The following ERG variants were observed in gnomAD, a reference collection of about 807,000 sequenced individuals.
The protein encoded by ERG is ETS transcription factor ERG.
A neutral mutation model predicts 55.3 loss-of-function variants in ERG; 9 were observed. The observed-to-expected ratio is 0.16, with a 90% CI of 0.10 to 0.28. The LOEUF (loss-of-function observed/expected upper bound fraction) is 0.28. Among genes scored for constraint, ERG ranks in the 10% least tolerant of loss-of-function variants. ERG has a pLI of 1.00. For missense variants in ERG, 434 were observed against 631.6 expected (o/e 0.69, Z 3.35); for synonymous variants, 223 against 237.3 (o/e 0.94, Z 0.55).
rs747590945 is a variant in ERG, at chr21:38,632,484, C to T, written c.-150+29174G>A. On this transcript the variant is annotated intron_variant, in intron 1 of 10. Transcript: ENST00000398910. ...TCACCTTGAATTGTAATAATCCCCA[C>T]GTGTTGTGGAGGGACCCAGTGGGAG... Among the ~76,000 whole-genome samples the T allele has an allele frequency of 3.9e-5, 6 of 152,176 alleles. No individual in the cohort carries two copies. The South Asian group carries it at 6.2e-4, about 16-fold the overall frequency.
intron 9 of ERG, among the ~76,000 whole-genome samples, chr21:38,389,354 G>T (rs1987860287): frequency 1.3e-5 from 2 of 152,104 alleles, no homozygotes; most frequent in East Asian, 3.9e-4. Flanking sequence ...GACACAGAAG[G>T]GACCACAGAC....
At chr21:38,402,703 CCTTT>C (rs1782108947) in intron 4 of ERG, 66 bp from the exon 5 acceptor site, 3 of 600,422 alleles carry the variant, frequency 5.0e-6, no homozygotes, top group African/African-American at 2.3e-5. Context: ...AAGAGAATTA[CCTTT>C]CTTACAAAAA....
rs139314320 is a variant in ERG at position 38,637,602 on chromosome 21, G to A, written c.-150+24056C>T. 4.6e-3 allele frequency among the ~76,000 whole-genome samples: 695 copies of A among 152,226 alleles called. 5 individuals carry two copies. The highest frequency in any genetic ancestry group is 0.011 in the Admixed American group (173 of 15,286). ...ACTGTCTACAGGATCCTAAGAAAGA[G>A]CAACTAAAATTATGTTAATGTTATT... is the stretch of plus-strand genomic sequence containing the variant. On this transcript the variant is annotated intron_variant, in intron 1 of 10. Transcript: ENST00000398910.
intron 2 of ERG, among the ~76,000 whole-genome samples, chr21:38,571,302 A>G (rs186539449): frequency 7.9e-5 from 12 of 152,172 alleles, no homozygotes; most frequent in Admixed American, 2.6e-4. Context: ...GCTTGAGCCC[A>G]GAGTTTGAGA....
intron 2 of ERG, among the ~76,000 whole-genome samples, chr21:38,570,678 TG>T (rs1315609177): frequency 6.6e-6 from 1 of 152,210 alleles, no homozygotes; most frequent in Non-Finnish European, 1.5e-5. Context: ...CTAAGGAACT[TG>T]TACAAAATCA....
At chr21:38,377,839 TGCTGA>T (rs1987284916), downstream of ERG, among the ~76,000 whole-genome samples, 1 of 152,206 alleles carries the variant, frequency 6.6e-6, no homozygotes, top group South Asian at 2.1e-4. Context: ...GCATGTCTAA[TGCTGA>T]GCAGGCTGTG....
intron 2 of ERG, among the ~76,000 whole-genome samples, chr21:38,546,832 C>T (rs1041703611): frequency 1.3e-5 from 2 of 152,182 alleles, no homozygotes; most frequent in African/African-American, 4.8e-5. Flanking sequence ...GCTGAGCTTC[C>T]CATTGTACCT....
intron 2 of ERG, among the ~76,000 whole-genome samples, chr21:38,509,831 G>A (rs1298176222): frequency 6.6e-6 from 1 of 152,212 alleles, no homozygotes; most frequent in African/African-American, 2.4e-5. Flanking sequence ...AAAGAGAAAA[G>A]CTCTAGTGTT....
intron 2 of ERG, among the ~76,000 whole-genome samples, chr21:38,529,923 G>A (rs1308504159): frequency 6.6e-6 from 1 of 152,024 alleles, no homozygotes; most frequent in African/African-American, 2.4e-5. Flanking sequence ...CCGAGATCAC[G>A]CCATTGCACT....
chr21:38,390,461 G>A (rs112514213), intron 9 of ERG, among the ~76,000 whole-genome samples: 1 of 152,206 alleles, frequency 6.6e-6, no homozygotes, highest in South Asian at 2.1e-4. Flanking sequence ...GATCCTAAAT[G>A]AGGTAATCAA....
intron 2 of ERG, among the ~76,000 whole-genome samples, chr21:38,511,009 T>G (rs2059507329): frequency 6.6e-6 from 1 of 152,186 alleles, no homozygotes; most frequent in African/African-American, 2.4e-5. Context: ...TTCCCAACAT[T>G]CAGTATGTAA....
chr21:38,518,033 T>C (rs936618749), intron 2 of ERG, among the ~76,000 whole-genome samples: 11 of 152,142 alleles, frequency 7.2e-5, no homozygotes, highest in African/African-American at 2.7e-4. Context: ...AGTTCTGATG[T>C]TGTATAGCAG....
At chr21:38,411,944 A>G (rs1255159113) in intron 3 of ERG, among the ~76,000 whole-genome samples, 1 of 152,126 alleles carries the variant, frequency 6.6e-6, no homozygotes, top group East Asian at 1.9e-4. Flanking sequence ...CTATGTAATG[A>G]CCCTCAATTA....
intron 2 of ERG, among the ~76,000 whole-genome samples, chr21:38,509,158 G>A (rs1017995059): frequency 2.0e-5 from 3 of 152,146 alleles, no homozygotes; most frequent in African/African-American, 7.2e-5. Flanking sequence ...ATAATAAAGT[G>A]ATCATTGTGA....
intron 3 of ERG, among the ~76,000 whole-genome samples, chr21:38,409,156 C>T (rs995269934): frequency 6.6e-6 from 1 of 152,076 alleles, no homozygotes; most frequent in African/African-American, 2.4e-5. Context: ...CTGAGAGAGG[C>T]AGCTTATGAC....
chr21:38,508,770 G>C (rs892276803), intron 2 of ERG, among the ~76,000 whole-genome samples: 3 of 152,224 alleles, frequency 2.0e-5, no homozygotes, highest in African/African-American at 7.2e-5. Context: ...CATTGACTTT[G>C]CTTCCATCAG....
intron 2 of ERG, among the ~76,000 whole-genome samples, chr21:38,507,309 C>T (rs974218709): frequency 1.3e-5 from 2 of 152,198 alleles, no homozygotes; most frequent in Admixed American, 1.3e-4. Flanking sequence ...TGGCTTCATC[C>T]CCAACTGCTC....
At chr21:38,437,521 G>C (rs1422219650) in intron 2 of ERG, among the ~76,000 whole-genome samples, 1 of 152,180 alleles carries the variant, frequency 6.6e-6, no homozygotes, top group Non-Finnish European at 1.5e-5. Flanking sequence ...CTGAGCTCAG[G>C]CAAGGAGGCA....
chr21:38,570,241 C>G (rs796533773), intron 2 of ERG, among the ~76,000 whole-genome samples: 3 of 152,278 alleles, frequency 2.0e-5, no homozygotes, highest in African/African-American at 7.2e-5. Context: ...ATTATTTTTT[C>G]CCTTATCCCC....
Sources: gnomAD v4.1 joint callset for allele counts (sites outside exome capture counted in the v4.1 genomes callset) on GRCh38, gnomAD v4.1.1 for gene constraint, MANE v1.5 for transcripts, NCBI Gene and HGNC (gene_info 2026-07-23, HGNC 2026-07-21) for gene names.